The following FBXL13 variants were observed in gnomAD, a reference collection of about 807,000 sequenced individuals.
FBXL13 encodes F-box and leucine-rich repeat protein 13.
A neutral mutation model predicts 83.6 loss-of-function variants in FBXL13; 67 were observed. The ratio of observed to expected loss-of-function variants is 0.80; its 90% CI spans 0.66 to 0.98. The LOEUF (loss-of-function observed/expected upper bound fraction) is 0.98, where lower values mean the gene tolerates loss of function less well. Ranked by LOEUF, FBXL13 falls within the 50% of genes least tolerant of loss-of-function variation. FBXL13 has a pLI of 0.00. For synonymous variants in FBXL13, 272 were observed against 299.5 expected, an observed-to-expected ratio of 0.91 and a Z score of 0.95; for missense variants, 822 against 866.5, an observed-to-expected ratio of 0.95 and a Z score of 0.64.
At chr7:102,983,249 A>C (rs1828482225) in intron 6 of FBXL13, among the ~76,000 whole-genome samples, 1 of 152,084 alleles carries the variant, frequency 6.6e-6, no homozygotes, top group South Asian at 2.1e-4. Flanking sequence ...GAGGTGGAGA[A>C]GCCACTAGCA....
rs577718103 is a variant in FBXL13 at position 103,060,188 on chromosome 7, G to C, written c.-104-4441C>G. 3.3e-5 allele frequency among the ~76,000 whole-genome samples: 5 copies of C among 150,326 alleles called. No individual in the cohort carries two copies. The South Asian group carries it at 1.1e-3, about 32-fold the overall frequency. ...AATCCTCCCACCTCAGCCTCCCAAG[G>C]AGCTAGGACTACAGGCATGAGCCCC... On this transcript the variant is annotated intron_variant, in intron 1 of 19. Transcript: ENST00000313221.
At chr7:102,882,748 C>G (rs572463403) in intron 14 of FBXL13, among the ~76,000 whole-genome samples, 38 of 150,112 alleles carry the variant, frequency 2.5e-4, no homozygotes, top group Non-Finnish European at 5.3e-4. Flanking sequence ...GGCAACAGAG[C>G]GAGACTCTGT....
chr7:102,983,889 C>T (rs1395161201), intron 6 of FBXL13, among the ~76,000 whole-genome samples: 5 of 152,136 alleles, frequency 3.3e-5, no homozygotes, highest in African/African-American at 1.2e-4. Flanking sequence ...CCTCAGGGCA[C>T]ATGTGGAAGC....
intron 17 of FBXL13, among the ~76,000 whole-genome samples, chr7:102,836,453 T>C (rs180812989): frequency 3.7e-4 from 56 of 152,338 alleles, no homozygotes; most frequent in Admixed American, 2.0e-3. Flanking sequence ...ACAGATAAGA[T>C]TACAATATAC....
chr7:102,815,531 C>A (rs1177702786), intron 19 of FBXL13, among the ~76,000 whole-genome samples: 1 of 152,096 alleles, frequency 6.6e-6, no homozygotes, highest in Non-Finnish European at 1.5e-5. Flanking sequence ...TCCCAAACAC[C>A]AGAGTTCTGG....
chr7:102,831,994 T>C (rs1800781615), intron 18 of FBXL13, among the ~76,000 whole-genome samples: 1 of 152,200 alleles, frequency 6.6e-6, no homozygotes. Flanking sequence ...TTGGAAAGTA[T>C]GATTCTATTA....
chr7:102,976,226 G>A (rs1287658089), intron 6 of FBXL13: 1 of 746,898 alleles, frequency 1.3e-6, no homozygotes, highest in Non-Finnish European at 2.5e-6. Context: ...CCCTGATGGT[G>A]GCAGGTAGGC....
chr7:102,929,572 G>A (rs1818775636), intron 9 of FBXL13, among the ~76,000 whole-genome samples: 1 of 148,178 alleles, frequency 6.7e-6, no homozygotes, highest in Non-Finnish European at 1.5e-5. Flanking sequence ...GCTGAGGCAG[G>A]AGAATCACTT....
chr7:102,812,617 T>C (rs1334827053), downstream of FBXL13, among the ~76,000 whole-genome samples: 1 of 152,186 alleles, frequency 6.6e-6, no homozygotes, highest in African/African-American at 2.4e-5. Context: ...TAAAAAGCGT[T>C]ACAGATCCTT....
intron 1 of FBXL13, among the ~76,000 whole-genome samples, chr7:103,060,025 T>C (rs1235469404): frequency 4.2e-5 from 3 of 71,176 alleles, no homozygotes; most frequent in Non-Finnish European, 8.0e-5. Flanking sequence ...ATATTTTATA[T>C]ATATATATAT....
chr7:103,011,981 T>G (rs1165207882), intron 6 of FBXL13, among the ~76,000 whole-genome samples: 3 of 152,024 alleles, frequency 2.0e-5, no homozygotes, highest in Non-Finnish European at 4.4e-5. Context: ...GAGGACAACA[T>G]TCAAATTCAG....
At chr7:103,021,710 C>T (rs1476706919) in intron 6 of FBXL13, among the ~76,000 whole-genome samples, 2 of 152,124 alleles carry the variant, frequency 1.3e-5, no homozygotes, top group African/African-American at 4.8e-5. Context: ...GACATTTATG[C>T]AGCCAACAGA....
At chr7:103,014,690 G>A (rs1435215718) in intron 6 of FBXL13, among the ~76,000 whole-genome samples, 9 of 152,024 alleles carry the variant, frequency 5.9e-5, no homozygotes, top group Non-Finnish European at 8.8e-5. Context: ...TTGGGAGGCC[G>A]AGGCGGGTGG....
intron 9 of FBXL13, among the ~76,000 whole-genome samples, chr7:102,929,473 C>T (rs1442535784): frequency 6.6e-6 from 1 of 151,822 alleles, no homozygotes; most frequent in Admixed American, 6.6e-5. Context: ...ACCAGCCTGT[C>T]CAACATGGTG....
chr7:103,025,128 C>G, exon 6 of FBXL13: 1 of 1,612,598 alleles, frequency 6.2e-7, no homozygotes, highest in Non-Finnish European at 8.5e-7. Flanking sequence ...ACAAGAAAGA[C>G]TTCAGAAGAA....
chr7:102,929,400 G>T (rs560774566), intron 9 of FBXL13, among the ~76,000 whole-genome samples: 1 of 152,212 alleles, frequency 6.6e-6, no homozygotes, highest in Admixed American at 6.5e-5. Context: ...GGTGTCTCAC[G>T]CCTGTAATCC....
chr7:102,977,569 T>C (rs75325942), intron 6 of FBXL13, among the ~76,000 whole-genome samples: 2 of 152,332 alleles, frequency 1.3e-5, no homozygotes, highest in South Asian at 2.1e-4. Flanking sequence ...GTAATCTTCA[T>C]CATTGGGCTC....
intron 16 of FBXL13, among the ~76,000 whole-genome samples, chr7:102,865,838 C>T (rs1192446973): frequency 6.6e-6 from 1 of 152,032 alleles, no homozygotes; most frequent in Non-Finnish European, 1.5e-5. Context: ...GCCACTGTGC[C>T]CAGCCTATTT....
At chr7:102,854,632 T>A in intron 17 of FBXL13, 145 bp downstream of exon 18, 1 of 477,334 alleles carries the variant, frequency 2.1e-6, no homozygotes, top group Non-Finnish European at 3.7e-6. Context: ...TATTTTGTAG[T>A]TACTTAAGAA....
Sources: allele counts gnomAD v4.1 joint callset (sites outside exome capture counted in the v4.1 genomes callset), GRCh38; gene constraint gnomAD v4.1.1; transcripts MANE v1.5; gene names NCBI Gene and HGNC (gene_info 2026-07-23, HGNC 2026-07-21).